Variants in UNC13A observed in about 807,000 individuals in gnomAD.
The protein encoded by UNC13A is unc-13 homolog A.
A neutral mutation model predicts 219.7 loss-of-function variants in UNC13A; 61 were observed. The ratio of observed to expected loss-of-function variants is 0.28; its 90% confidence interval spans 0.23 to 0.34. The LOEUF (loss-of-function observed/expected upper bound fraction) is 0.34, where lower values mean the gene tolerates loss of function less well. Ranked by LOEUF, UNC13A falls within the 10% of genes least tolerant of loss-of-function variation. The pLI is 1.00. For missense variants in UNC13A, 1,476 were observed against 2,270.3 expected (o/e 0.65, Z 7.11); for synonymous variants, 920 against 884.6 (o/e 1.04, Z -0.71).
intron 37 of UNC13A, among the ~76,000 whole-genome samples, chr19:17,621,424 C>A (rs1015057795): frequency 1.3e-5 from 2 of 152,136 alleles, no homozygotes; most frequent in African/African-American, 4.8e-5. Flanking sequence ...TGCTGTAGCT[C>A]CCATCTCCTT....
chr19:17,631,463 G>C (rs190057222), intron 28 of UNC13A, among the ~76,000 whole-genome samples: 1 of 151,824 alleles, frequency 6.6e-6, no homozygotes, highest in African/African-American at 2.4e-5. Context: ...CTGGCCTCAA[G>C]TGATCCTCCC....
At chr19:17,663,614 G>C (rs1319164774) in intron 7 of UNC13A, 47 bp from the exon 8 acceptor site, 2 of 1,572,340 alleles carry the variant, frequency 1.3e-6, no homozygotes, top group Non-Finnish European at 1.7e-6. Context: ...AGACAGAGGG[G>C]TGGGTGTAGG....
At chr19:17,659,199 T>C (rs368553017) in intron 8 of UNC13A, among the ~76,000 whole-genome samples, 196 of 152,284 alleles carry the variant, frequency 1.3e-3, no homozygotes, top group African/African-American at 4.4e-3. Context: ...TCCCAGCACT[T>C]TGGGAGGCGG....
chr19:17,607,459 GC>G (rs2076544633), intron 43 of UNC13A, among the ~76,000 whole-genome samples: 4 of 113,850 alleles, frequency 3.5e-5, no homozygotes, highest in Admixed American at 3.4e-4. Flanking sequence ...GATGGGGGTG[GC>G]GGGGGGGGGG....
chr19:17,655,945 C>A lies in UNC13A; in HGVS notation c.1221G>T (p.Thr407=). 1.3e-6 allele frequency: 2 copies of A among 1,544,670 alleles called. No individual in the cohort carries two copies. The highest frequency in any genetic ancestry group is 1.7e-6 in the Non-Finnish European group (2 of 1,147,920). Residue 407 remains threonine, a synonymous_variant, in exon 10 of 44, where the codon ACG becomes ACT. Transcript: ENST00000519716. ...DMAKVAPKPA[T]PDKVPAAEQI... Reference sequence around the variant, plus strand: ...GCTCAGCTGCAGGCACCTTGTCGGGCGTGGCTGGCTTGGGGGCCACCTTGG... The same window carrying A: ...GCTCAGCTGCAGGCACCTTGTCGGGAGTGGCTGGCTTGGGGGCCACCTTGG...
In UNC13A at chr19:17,656,334, C is replaced by T. The variant is rs868832101; in HGVS notation, c.832G>A (p.Glu278Lys). 3.8e-6 allele frequency: 6 copies of T among 1,558,886 alleles called. No individual in the cohort carries two copies. Among genetic ancestry groups the T allele is most frequent in the Admixed American group, 1.9e-5 (1 of 52,386 alleles). The change falls in exon 10 of 44, where the codon GAG becomes AAG. Residue 278 changes from glutamate to lysine, a missense_variant. By Grantham distance (56) the Glu-to-Lys change is moderately conservative (BLOSUM62 1). Transcript: ENST00000519716. ...CTGTGCTCGTCAGGGTCGAAGTCCTCGCTCAGCTGAGAGCTTCCCTGGCTC... is the reference window on the plus strand; with the variant it reads ...CTGTGCTCGTCAGGGTCGAAGTCCTTGCTCAGCTGAGAGCTTCCCTGGCTC... ...ELSQGSSQLS[E>K]DFDPDEHSLQ...
chr19:17,620,745 G>T (rs747142420), intron 37 of UNC13A, 23 bp from the exon 38 acceptor site: 1 of 1,612,262 alleles, frequency 6.2e-7, no homozygotes, highest in East Asian at 2.2e-5. Context: ...TCAGGTGGAG[G>T]TCAGAGTTCT....
intron 1 of UNC13A, among the ~76,000 whole-genome samples, chr19:17,687,338 C>A (rs918310203): frequency 1.3e-5 from 2 of 152,124 alleles, no homozygotes; most frequent in Non-Finnish European, 2.9e-5. Context: ...TCCCTCTCTC[C>A]AGTGCAAAGT....
Position 17,661,104 on chromosome 19 carries a change from C to CTTTTT in UNC13A, c.559+2423_559+2427dup, listed in dbSNP as rs11287808. Among the ~76,000 whole-genome samples, 936 of 135,368 alleles carry CTTTTT rather than the reference C, an allele frequency of 6.9e-3. 19 individuals are homozygous for CTTTTT. Among genetic ancestry groups the CTTTTT allele is most frequent in the African/African-American group, 0.024 (884 of 36,588 alleles). The allele number at this position is 135,368 out of a possible 152,430, so 88.8% of individuals were successfully genotyped here. ...CAGGGGCGTGCCACCACACCCGGCCCTTTTTTTTTTTTTTTGTAGAGATGG... is the reference window on the plus strand; with the variant it reads ...CAGGGGCGTGCCACCACACCCGGCCCTTTTTTTTTTTTTTTTTTTTGTAGAGATGG... On this transcript the variant is annotated intron_variant, in intron 8 of 43. Transcript: ENST00000519716.
chr19:17,609,863 G>A, intron 43 of UNC13A, 77 bp downstream of exon 43: 2 of 1,591,652 alleles, frequency 1.3e-6, no homozygotes, highest in Non-Finnish European at 1.7e-6. Context: ...GATACCTCCT[G>A]CCTAGCTGGC....
At chr19:17,621,722 AC>A in intron 37 of UNC13A, 109 bp downstream of exon 37, 1 of 1,141,968 alleles carries the variant, frequency 8.8e-7, no homozygotes, top group East Asian at 2.4e-5. Flanking sequence ...GCTATCTCCT[AC>A]CCACGACCCC....
At chr19:17,661,176 C>T (rs2079545315) in intron 8 of UNC13A, among the ~76,000 whole-genome samples, 2 of 149,038 alleles carry the variant, frequency 1.3e-5, no homozygotes, top group Admixed American at 1.3e-4. Context: ...GGAGCTCAAG[C>T]GTCCCTCCCG....
intron 11 of UNC13A, 116 bp downstream of exon 11, chr19:17,655,158 G>T: frequency 1.2e-6 from 1 of 827,150 alleles, no homozygotes; most frequent in South Asian, 1.4e-5. Context: ...CTTGGGTACG[G>T]GTGGGGTGTT....
intron 25 of UNC13A, among the ~76,000 whole-genome samples, chr19:17,637,320 C>T (rs565253638): frequency 2.3e-4 from 33 of 145,138 alleles, no homozygotes; most frequent in South Asian, 8.7e-4. Context: ...TTTTTTGAGA[C>T]GGAGTCTCGC....
intron 7 of UNC13A, 109 bp from the exon 8 acceptor site, chr19:17,663,676 A>G (rs2079592133): frequency 8.5e-7 from 1 of 1,178,564 alleles, no homozygotes; most frequent in Non-Finnish European, 1.2e-6. Context: ...CCCCACCCCA[A>G]AAGTCCCTCT....
chr19:17,673,357 C>CAA (rs369463898), intron 3 of UNC13A, among the ~76,000 whole-genome samples: 2,406 of 102,698 alleles, frequency 0.023, 37 homozygotes, highest in Middle Eastern at 0.047. Flanking sequence ...AACTCAGTCT[C>CAA]AAAAAAAAAA....
intron 7 of UNC13A, among the ~76,000 whole-genome samples, chr19:17,666,446 C>T (rs2079648665): frequency 6.6e-6 from 1 of 152,094 alleles, no homozygotes; most frequent in South Asian, 2.1e-4. Context: ...AACTCCTGAC[C>T]TCGGCTTCCC....
At chr19:17,669,998 G>C (rs1270988984) in intron 4 of UNC13A, among the ~76,000 whole-genome samples, 4 of 144,102 alleles carry the variant, frequency 2.8e-5, no homozygotes, top group Admixed American at 7.1e-5. Flanking sequence ...CCAGGCTGGA[G>C]TGCAGTGGCG....
chr19:17,674,602 G>T lies in UNC13A; in HGVS notation c.152+55C>A. On this transcript the variant is annotated intron_variant, in intron 3 of 43. Transcript: ENST00000519716. The surrounding 1 kb of genome is among the most constrained non-coding windows in gnomAD (Gnocchi z 5.0). ...TGTCCAGCTCTGCCCTGAGGGGCCA[G>T]CGAGGTGCTGGGCTATGCCAGGGAG... 6.5e-7 allele frequency: 1 copy of T among 1,530,264 alleles called. No individual in the cohort carries two copies. 94.8% of individuals were successfully genotyped at this position (1,530,264 alleles called of 1,614,324 possible).
Sources: allele counts gnomAD v4.1 joint callset (sites outside exome capture counted in the v4.1 genomes callset), GRCh38; gene constraint gnomAD v4.1.1; non-coding constraint Gnocchi (gnomAD v3.1); transcripts MANE v1.5; gene names NCBI Gene and HGNC (gene_info 2026-07-23, HGNC 2026-07-21).